RBFA: variants seen among roughly 807,000 people sequenced by gnomAD.
RBFA encodes ribosome binding factor A.
RBFA carries 16 observed loss-of-function variants against 27.9 expected under a neutral mutation model. The observed-to-expected ratio is 0.57, with a 90% CI of 0.39 to 0.87. The LOEUF is 0.87. RBFA is among the 40% of genes least tolerant of loss of function. The pLI is 0.00. For synonymous variants in RBFA, 181 were observed against 181.0 expected, an observed-to-expected ratio of 1.00 and a Z score of 0.00; for missense variants, 456 against 432.1, an observed-to-expected ratio of 1.06 and a Z score of -0.49.
chr18:80,037,018 C>T (rs1410320636), intron 2 of RBFA, among the ~76,000 whole-genome samples: 2 of 152,174 alleles, frequency 1.3e-5, no homozygotes, highest in Non-Finnish European at 2.9e-5. Flanking sequence ...ATAAATACAT[C>T]ACGTTTCCAA....
chr18:80,034,802 C>T lies in RBFA; in HGVS notation c.158+149C>T, dbSNP rs190602415. 6.2e-5 allele frequency: 55 copies of T among 889,436 alleles called. No homozygotes were observed. The East Asian group carries it at 8.0e-4, about 13-fold the overall frequency. 55.1% of individuals were successfully genotyped at this position (889,436 alleles called of 1,614,324 possible). A position where few individuals can be genotyped will look rare whatever the true frequency, so the allele number is the denominator to read the frequency against. Reference sequence around the variant, plus strand: ...TGGGGTCTGCAGCAGTTCTAGCTCTCACTGTCAGCATTTGCAGCTTTTGTG... The same window carrying T: ...TGGGGTCTGCAGCAGTTCTAGCTCTTACTGTCAGCATTTGCAGCTTTTGTG... On this transcript the variant is annotated intron_variant, in intron 1 of 6. Transcript: ENST00000306735.
chr18:80,037,562 C>A (rs975234835), intron 3 of RBFA, 56 bp downstream of exon 3: 4 of 1,475,094 alleles, frequency 2.7e-6, no homozygotes, highest in Non-Finnish European at 2.8e-6. Context: ...CTGGCACTTA[C>A]TTTACCTGGC....
Position 80,046,157 on chromosome 18 carries a change from TG to T in RBFA, c.*4del. On this transcript the variant is annotated 3_prime_UTR_variant, in exon 7 of 7. Transcript: ENST00000306735. ...AGCTGCGGAGCAAGCAGGGAGTAGA[TG>T]GAGAGGCTCTGCCCATCCCACATTT... 1 of 1,613,030 alleles carries T rather than the reference TG, an allele frequency of 6.2e-7. No individual in the cohort carries two copies. Among genetic ancestry groups the T allele is most frequent in the Non-Finnish European group, 8.5e-7 (1 of 1,179,396 alleles).
rs772270506 is a variant in RBFA, at chr18:80,045,798, C to T, written c.675C>T (p.Cys225=). The change falls in exon 7 of 7, where the codon TGC becomes TGT. Residue 225 remains cysteine (C), a synonymous_variant. Coordinates refer to ENST00000306735, the MANE Select transcript of RBFA (RefSeq NM_024805.3). ...GGGACCCTGATGCCCCACAACCCTG[C>T]GGCACCACAGAGCCGACCACAAGCT... The part of the protein sequence containing the change: ...DFRDPDAPQP[C]GTTEPTTSSS... 2.6e-5 allele frequency: 39 copies of T among 1,518,454 alleles called. No homozygotes were observed. The highest frequency in any genetic ancestry group is 2.3e-4 in the East Asian group (10 of 44,026). 94.1% of individuals were successfully genotyped at this position (1,518,454 alleles called of 1,614,324 possible).
Position 80,049,156 on chromosome 18 carries a change from C to T in RBFA, c.*3001C>T, listed in dbSNP as rs1328385327. Among the ~76,000 whole-genome samples the T allele has an allele frequency of 1.3e-5, 2 of 151,116 alleles. No homozygotes were observed. The highest frequency in any genetic ancestry group is 2.1e-4 in the South Asian group (1 of 4,764). On this transcript the variant is annotated 3_prime_UTR_variant, in exon 7 of 7. Coordinates refer to ENST00000306735, the MANE Select transcript of RBFA (RefSeq NM_024805.3). ...ATGGGTCCACTCCTGGGGATTTCCG[C>T]GGCCTTCCCTGGGAGCGGGTTAGGG...
chr18:80,037,100 T>A (rs2051984487), intron 2 of RBFA: 9 of 491,160 alleles, frequency 1.8e-5, no homozygotes, highest in South Asian at 7.3e-5. Flanking sequence ...CAAAAACTTT[T>A]TTTGAGAAAA....
chr18:80,046,131 C>G lies in RBFA; in HGVS notation c.1008C>G (p.His336Gln), dbSNP rs146923237. 1.2e-6 allele frequency: 2 copies of G among 1,614,044 alleles called. No homozygotes were observed. Among genetic ancestry groups the G allele is most frequent in the Non-Finnish European group, 1.7e-6 (2 of 1,179,984 alleles). Residue 336 changes from histidine to glutamine, a missense_variant, in exon 7 of 7, where the codon CAC becomes CAG. Coordinates refer to ENST00000306735, the MANE Select transcript of RBFA (RefSeq NM_024805.3). The stretch of plus-strand genomic sequence containing the variant: ...GAGGTGGCAGAACAGAGGATGGCCA[C>G]AGCTGCGGAGCAAGCAGGGAGTAGA... ...ERGGGRTEDG[H>Q]SCGASRE
chr18:80,041,304 A>G (rs2052013977), intron 4 of RBFA: 1 of 152,236 alleles, frequency 6.6e-6, no homozygotes, highest in South Asian at 2.1e-4. Flanking sequence ...GCGGTCACCC[A>G]AGATTTAGGG....
intron 4 of RBFA, among the ~76,000 whole-genome samples, chr18:80,040,239 A>ATTTTTTTTTTTTTTTTTTTTTTTTTTTTT (rs71338083): frequency 1.1e-5 from 1 of 91,440 alleles, no homozygotes; most frequent in Non-Finnish European, 2.0e-5. Flanking sequence ...GGAGGCCTGA[A>ATTTTTTTTTTTTTTTTTTTTTTTTTTTTT]TTTTTTTTTT....
chr18:80,043,668 A>C (rs967661853), intron 5 of RBFA, among the ~76,000 whole-genome samples: 1 of 152,212 alleles, frequency 6.6e-6, no homozygotes, highest in African/African-American at 2.4e-5. Context: ...ATAGGCAGGC[A>C]GGGTTCGGGT....
In RBFA at chr18:80,046,999, G is replaced by A. The variant is rs2052060029; in HGVS notation, c.*844G>A. On this transcript the variant is annotated 3_prime_UTR_variant, in exon 7 of 7. Transcript: ENST00000306735. ...AAAACACAGATTCCATACCTTGTCA[G>A]CTCCTATTTAGTTCGGCTTCCCTCT... 6.6e-6 allele frequency: 1 copy of A among 152,316 alleles called. No homozygotes were observed. Among genetic ancestry groups the A allele is most frequent in the Admixed American group, 6.5e-5 (1 of 15,288 alleles). The allele number at this position is 152,316 out of a possible 1,614,324, so 9.4% of individuals were successfully genotyped here.
chr18:80,042,098 G>A (rs372051395), intron 4 of RBFA, 37 bp from the exon 5 acceptor site: 124 of 1,477,144 alleles, frequency 8.4e-5, no homozygotes, highest in Non-Finnish European at 1.0e-4. Context: ...TGAGTGTCAC[G>A]GCACAGCTGT....
rs566136137 is a variant in RBFA at position 80,045,938 on chromosome 18, C to G, written c.815C>G (p.Thr272Arg). The G allele has an allele frequency of 1.9e-6, 3 of 1,613,836 alleles. No individual in the cohort carries two copies. The highest frequency in any genetic ancestry group is 2.7e-5 in the African/African-American group (2 of 74,968). Residue 272 changes from threonine (T) to arginine (R), a missense_variant, in exon 7 of 7, where the codon ACA becomes AGA. Physicochemically the swap from Thr to Arg is moderately conservative, Grantham distance 71. Transcript: ENST00000306735. ...LVWQGQVAEL[T>R]TQMKKGRKRA... ...TGGCAGGGGCAGGTGGCTGAGCTGA[C>G]AACGCAGATGAAAAAGGGAAGGAAG... is the stretch of plus-strand genomic sequence containing the variant.
At chr18:80,039,987 G>T (rs1317859033) in intron 4 of RBFA, among the ~76,000 whole-genome samples, 3 of 151,996 alleles carry the variant, frequency 2.0e-5, no homozygotes, top group East Asian at 1.9e-4. Context: ...CTGGCTCACT[G>T]CAACCTCTGC....
Position 80,044,294 on chromosome 18 carries a change from T to C in RBFA, c.650+9T>C, listed in dbSNP as rs770051301. The C allele has an allele frequency of 1.9e-6, 3 of 1,611,988 alleles. No individual in the cohort carries two copies. In the Admixed American group the frequency reaches 5.0e-5, roughly 27 times the overall value. On this transcript the variant is annotated intron_variant, in intron 6 of 6. Coordinates refer to ENST00000306735, the MANE Select transcript of RBFA (RefSeq NM_024805.3). ...GTACAAAATGATTTCAGGTGACGCA[T>C]GTGGACATATGTTTTGATTCCCTGG...
chr18:80,046,065 A>T lies in RBFA; in HGVS notation c.942A>T (p.Glu314Asp), dbSNP rs756000500. Residue 314 changes from glutamate to aspartate, a missense_variant, in exon 7 of 7, where the codon GAA becomes GAT. By Grantham distance (45) the Glu-to-Asp change is conservative. Coordinates refer to ENST00000306735, the MANE Select transcript of RBFA (RefSeq NM_024805.3). Reference protein sequence around the residue: ...DLDLVGAPEYECYAPDTEELE... With the variant: ...DLDLVGAPEYDCYAPDTEELE... ...ACCTGGTTGGTGCCCCGGAGTACGA[A>T]TGCTATGCCCCGGACACAGAGGAGT... 6.2e-7 allele frequency: 1 copy of T among 1,614,136 alleles called. No homozygotes were observed. The highest frequency in any genetic ancestry group is 8.5e-7 in the Non-Finnish European group (1 of 1,180,036).
Position 80,048,402 on chromosome 18 carries a change from T to TTGCATACACACCTTTGCA in RBFA, c.*2253_*2270dup, listed in dbSNP as rs1316574358. Among the ~76,000 whole-genome samples the TTGCATACACACCTTTGCA allele has an allele frequency of 1.3e-5, 2 of 152,196 alleles. No individual in the cohort carries two copies. The highest frequency in any genetic ancestry group is 4.8e-5 in the African/African-American group (2 of 41,446). Reference sequence around the variant, plus strand: ...GAGAACGCCCTCAATGGTGTGTCCTTTGCATACACACCTTTGCATGCATCT... The same window carrying TTGCATACACACCTTTGCA: ...GAGAACGCCCTCAATGGTGTGTCCTTTGCATACACACCTTTGCATGCATACACACCTTTGCATGCATCT... On this transcript the variant is annotated 3_prime_UTR_variant, in exon 7 of 7. Coordinates refer to ENST00000306735, the MANE Select transcript of RBFA (RefSeq NM_024805.3).
rs1204173874 is a variant in RBFA, at chr18:80,050,631, T to G, written c.*4476T>G. Among the ~76,000 whole-genome samples, 1 of 152,200 alleles carries G rather than the reference T, an allele frequency of 6.6e-6. No individual in the cohort carries two copies. Among genetic ancestry groups the G allele is most frequent in the East Asian group, 1.9e-4 (1 of 5,202 alleles). On this transcript the variant is annotated 3_prime_UTR_variant, in exon 7 of 7. Transcript: ENST00000306735. ...GGTGCTGGCAAGATACTGAAATAAA[T>G]TAATTCTGTATTTCTAAAAATAATT...
At chr18:80,034,760 C>T (rs1337788048) in intron 1 of RBFA, 107 bp downstream of exon 1, 14 of 1,435,194 alleles carry the variant, frequency 9.8e-6, no homozygotes, top group African/African-American at 1.5e-5. Flanking sequence ...CGGCCTAGCT[C>T]GCCAGTTCCT....
Sources: gnomAD v4.1 joint callset for allele counts (sites outside exome capture counted in the v4.1 genomes callset) on GRCh38, gnomAD v4.1.1 for gene constraint, MANE v1.5 for transcripts, NCBI Gene and HGNC (gene_info 2026-07-23, HGNC 2026-07-21) for gene names.